Variants in FOXP1 observed in about 807,000 individuals in gnomAD.
The protein encoded by FOXP1 is forkhead box protein P1.
FOXP1 carries 15 observed loss-of-function variants against 98.2 expected under a neutral mutation model. The observed-to-expected ratio is 0.15, with a 90% CI of 0.10 to 0.24. The LOEUF (loss-of-function observed/expected upper bound fraction) is 0.24. Ranked by LOEUF, FOXP1 falls within the 10% of genes least tolerant of loss-of-function variation. The pLI is 1.00. For missense variants in FOXP1, 633 were observed against 848.5 expected (o/e 0.75, Z 3.15); for synonymous variants, 371 against 314.5 (o/e 1.18, Z -1.90).
At chr3:71,131,367 A>G (rs1011873812) in intron 6 of FOXP1, among the ~76,000 whole-genome samples, 1 of 151,318 alleles carries the variant, frequency 6.6e-6, no homozygotes, top group African/African-American at 2.4e-5. Context: ...TCAGCTTGAA[A>G]AACAGGAGGA....
chr3:71,559,310 G>A (rs2046372519), intron 2 of FOXP1, among the ~76,000 whole-genome samples: 2 of 152,170 alleles, frequency 1.3e-5, no homozygotes, highest in Non-Finnish European at 2.9e-5. Flanking sequence ...CTGTAACATG[G>A]GAATGAAAAC....
At chr3:71,075,307 C>T (rs1438585258) in intron 7 of FOXP1, among the ~76,000 whole-genome samples, 1 of 152,216 alleles carries the variant, frequency 6.6e-6, no homozygotes, top group African/African-American at 2.4e-5. Context: ...CAGTGGCTGG[C>T]ACACAGTAAG....
At chr3:70,963,202 G>C (rs1462040444) in intron 20 of FOXP1, among the ~76,000 whole-genome samples, 1 of 152,234 alleles carries the variant, frequency 6.6e-6, no homozygotes, top group Non-Finnish European at 1.5e-5. Context: ...CTCATGCAGA[G>C]TGGATGCAGA....
At chr3:71,021,787 T>C (rs531770121) in intron 11 of FOXP1, among the ~76,000 whole-genome samples, 1 of 152,356 alleles carries the variant, frequency 6.6e-6, no homozygotes, top group East Asian at 1.9e-4. Flanking sequence ...AGGCTGCACA[T>C]ATTTTCATGT....
At chr3:71,062,181 G>A (rs140256073) in intron 7 of FOXP1, among the ~76,000 whole-genome samples, 19 of 152,276 alleles carry the variant, frequency 1.2e-4, no homozygotes, top group African/African-American at 4.6e-4. Context: ...CCTATCATAA[G>A]CTTTCTGATG....
intron 6 of FOXP1, chr3:71,130,902 G>A (rs879393194): frequency 2.6e-5 from 36 of 1,366,330 alleles, no homozygotes; most frequent in East Asian, 8.1e-5. Context: ...TGCAAGCAGC[G>A]ACACAGCACA....
At chr3:71,022,340 A>G (rs890685451) in intron 11 of FOXP1, among the ~76,000 whole-genome samples, 2 of 152,242 alleles carry the variant, frequency 1.3e-5, no homozygotes, top group African/African-American at 2.4e-5. Context: ...TCATGTTTTC[A>G]AAAGAATTTA....
In FOXP1 at chr3:71,459,069, C is replaced by T. The variant is rs189696625; in HGVS notation, c.-168+34357G>A. 5.3e-5 allele frequency among the ~76,000 whole-genome samples: 8 copies of T among 152,120 alleles called. No homozygotes were observed. In the East Asian group the frequency reaches 1.5e-3, roughly 29 times the overall value. ...GCTCTCACTTTTGACATTTTCTTCC[C>T]CTGGAGAGACAAGATAAAGTGCTGT... On this transcript the variant is annotated intron_variant, in intron 3 of 20. Coordinates refer to ENST00000649528, the MANE Select transcript of FOXP1 (RefSeq NM_001349338.3).
chr3:71,576,937 C>G (rs1417297758), intron 2 of FOXP1, among the ~76,000 whole-genome samples: 1 of 152,164 alleles, frequency 6.6e-6, no homozygotes, highest in African/African-American at 2.4e-5. Flanking sequence ...CGAACAAACA[C>G]CTGTTGTGTA....
At chr3:71,511,134 T>C (rs2042174227) in intron 2 of FOXP1, among the ~76,000 whole-genome samples, 1 of 152,166 alleles carries the variant, frequency 6.6e-6, no homozygotes, top group East Asian at 1.9e-4. Context: ...AATAAGCCCA[T>C]AAGTCCTTTT....
At chr3:71,513,746 T>C (rs992451143) in intron 2 of FOXP1, among the ~76,000 whole-genome samples, 7 of 152,174 alleles carry the variant, frequency 4.6e-5, no homozygotes, top group Non-Finnish European at 1.0e-4. Flanking sequence ...TCAGGGCACA[T>C]AGCATGGCTC....
chr3:71,169,242 T>C (rs530717116), intron 6 of FOXP1, among the ~76,000 whole-genome samples: 1 of 152,334 alleles, frequency 6.6e-6, no homozygotes, highest in South Asian at 2.1e-4. Context: ...TCCTGTGTTT[T>C]GCCTGGCAGT....
At position 71,258,026 on chromosome 3, in the gene FOXP1, C is replaced by T. The variant is rs1452706575; in HGVS notation, c.-12+41794G>A. Among the ~76,000 whole-genome samples the T allele has an allele frequency of 8.5e-5, 13 of 152,298 alleles. No individual in the cohort carries two copies. The South Asian group carries it at 2.3e-3, about 27-fold the overall frequency. On this transcript the variant is annotated intron_variant, in intron 5 of 20. Transcript: ENST00000649528. ...AACAAAATGGTAATTGTTATTACTGCGCTTAATAACATCCACGGAGCGCCT... is the reference window on the plus strand; with the variant it reads ...AACAAAATGGTAATTGTTATTACTGTGCTTAATAACATCCACGGAGCGCCT...
intron 3 of FOXP1, among the ~76,000 whole-genome samples, chr3:71,468,121 G>GT (rs3830445): frequency 0.024 from 3,517 of 146,438 alleles, 71 homozygotes; most frequent in Admixed American, 0.057. Flanking sequence ...GAGAAGCAAT[G>GT]TTTTTTTTTT....
intron 4 of FOXP1, among the ~76,000 whole-genome samples, chr3:71,337,037 T>C (rs962339214): frequency 1.3e-5 from 2 of 152,066 alleles, no homozygotes; most frequent in Non-Finnish European, 2.9e-5. Flanking sequence ...AAAAGACATA[T>C]CAAACATTTA....
intron 2 of FOXP1, among the ~76,000 whole-genome samples, chr3:71,553,437 C>T (rs1376077170): frequency 6.6e-6 from 1 of 152,146 alleles, no homozygotes; most frequent in Non-Finnish European, 1.5e-5. Context: ...AAAGCTTCTT[C>T]CCACTGGTGA....
intron 2 of FOXP1, among the ~76,000 whole-genome samples, chr3:71,523,479 C>T (rs1395495559): frequency 6.6e-6 from 1 of 152,106 alleles, no homozygotes; most frequent in Non-Finnish European, 1.5e-5. Flanking sequence ...GTATTTCAGA[C>T]TTAGATAAAG....
chr3:71,367,250 C>T (rs933205184), intron 3 of FOXP1, among the ~76,000 whole-genome samples: 4 of 152,190 alleles, frequency 2.6e-5, no homozygotes, highest in African/African-American at 9.6e-5. Context: ...CCTGCAGAGG[C>T]TCCTTCCCCA....
At chr3:71,048,478 C>G (rs1043647451) in intron 9 of FOXP1, among the ~76,000 whole-genome samples, 4 of 152,132 alleles carry the variant, frequency 2.6e-5, no homozygotes, top group African/African-American at 9.7e-5. Context: ...TTCAGACTTA[C>G]TACCATGCCA....
Sources: allele counts gnomAD v4.1 joint callset (sites outside exome capture counted in the v4.1 genomes callset), GRCh38; gene constraint gnomAD v4.1.1; transcripts MANE v1.5; gene names NCBI Gene and HGNC (gene_info 2026-07-23, HGNC 2026-07-21).